MAST2: variants seen among roughly 807,000 people sequenced by gnomAD.
MAST2 encodes microtubule associated serine/threonine kinase 2.
In MAST2, 70 loss-of-function variants were observed where a neutral mutation model predicts 147.4. The observed-to-expected ratio is 0.47, with a 90% CI of 0.39 to 0.58. MAST2 has a LOEUF of 0.58. Ranked by LOEUF, MAST2 falls within the 20% of genes least tolerant of loss-of-function variation. MAST2 has a pLI of 0.00. For missense variants in MAST2, 2,080 were observed against 2,302.3 expected (o/e 0.90, Z 1.98); for synonymous variants, 869 against 896.8 (o/e 0.97, Z 0.55).
intron 4 of MAST2, among the ~76,000 whole-genome samples, chr1:45,952,350 C>T (rs1443710340): frequency 6.6e-6 from 1 of 152,018 alleles, no homozygotes; most frequent in Non-Finnish European, 1.5e-5. Context: ...TCCATAGAGA[C>T]AGTACGTTGG....
chr1:46,029,140 C>T lies in MAST2; in HGVS notation c.2218+207C>T, dbSNP rs114208503. On this transcript the variant is annotated intron_variant, in intron 18 of 28. Transcript: ENST00000361297. ...GTCCCTTGGGGCTTCACATGTCTCT[C>T]ATAGACACCTGGTCTCTCATATACA... 2.3e-3 allele frequency: 1,375 copies of T among 585,588 alleles called. 18 individuals are homozygous for T. In the African/African-American group the frequency reaches 0.024, roughly 10 times the overall value. 36.3% of individuals were successfully genotyped at this position (585,588 alleles called of 1,614,324 possible). A position where few individuals can be genotyped will look rare whatever the true frequency, so the allele number is the denominator to read the frequency against.
chr1:45,888,389 G>T (rs1360892621), intron 4 of MAST2, among the ~76,000 whole-genome samples: 1 of 151,930 alleles, frequency 6.6e-6, no homozygotes, highest in Admixed American at 6.6e-5. Context: ...TTGAGACTGA[G>T]TCTCGCTCTG....
chr1:45,987,640 T>C lies in MAST2; in HGVS notation c.593-10084T>C, dbSNP rs76189933. On this transcript the variant is annotated intron_variant, in intron 5 of 28. Transcript: ENST00000361297. ...TGTATGGTTTTATACATTTTCTCTCTTGTTTTCCAGTGGTTTTTTTATTAA... is the reference window on the plus strand; with the variant it reads ...TGTATGGTTTTATACATTTTCTCTCCTGTTTTCCAGTGGTTTTTTTATTAA... Among the ~76,000 whole-genome samples, 1,009 of 152,196 alleles carry C rather than the reference T, an allele frequency of 6.6e-3. 12 individuals carry two copies. Among genetic ancestry groups the C allele is most frequent in the African/African-American group, 0.023 (973 of 41,538 alleles).
At chr1:45,947,176 G>A (rs756284545) in intron 4 of MAST2, among the ~76,000 whole-genome samples, 1 of 152,046 alleles carries the variant, frequency 6.6e-6, no homozygotes, top group Non-Finnish European at 1.5e-5. Flanking sequence ...CATAGGGTGT[G>A]AGATACTACA....
At chr1:45,852,301 C>A (rs931883979) in intron 3 of MAST2, among the ~76,000 whole-genome samples, 9 of 152,192 alleles carry the variant, frequency 5.9e-5, no homozygotes, top group African/African-American at 1.7e-4. Flanking sequence ...TATTTGCACT[C>A]CCACCCCGTC....
chr1:45,956,180 T>G (rs980497745), intron 4 of MAST2, among the ~76,000 whole-genome samples: 4 of 152,222 alleles, frequency 2.6e-5, no homozygotes, highest in African/African-American at 9.6e-5. Context: ...ATTCAAATTT[T>G]ATTTTTTTAG....
intron 5 of MAST2, among the ~76,000 whole-genome samples, chr1:45,978,196 A>G (rs1216387431): frequency 6.6e-6 from 1 of 152,202 alleles, no homozygotes; most frequent in Non-Finnish European, 1.5e-5. Flanking sequence ...TGAAAAGATA[A>G]TTTACTCTCA....
chr1:46,029,217 G>A (rs764772324), intron 18 of MAST2: 4 of 548,108 alleles, frequency 7.3e-6, no homozygotes, highest in Non-Finnish European at 6.5e-6. Flanking sequence ...TGAGGGGTAC[G>A]TCTGTGTATG....
intron 24 of MAST2, 44 bp from the exon 25 acceptor site, chr1:46,032,134 C>A (rs1197962404): frequency 6.7e-7 from 1 of 1,492,528 alleles, no homozygotes; most frequent in Non-Finnish European, 9.3e-7. Flanking sequence ...AGGGGCCAGG[C>A]CAAAGCCCTC....
chr1:45,969,985 G>T (rs949525725), intron 5 of MAST2, among the ~76,000 whole-genome samples: 2 of 152,166 alleles, frequency 1.3e-5, no homozygotes, highest in Admixed American at 1.3e-4. Context: ...CACCATAGCT[G>T]GGACAGGATG....
At chr1:45,808,428 C>T (rs1172418419) in intron 1 of MAST2, among the ~76,000 whole-genome samples, 2 of 152,090 alleles carry the variant, frequency 1.3e-5, no homozygotes, top group Non-Finnish European at 2.9e-5. Context: ...AGGCTGGTCT[C>T]GAACTCCTGA....
intron 4 of MAST2, among the ~76,000 whole-genome samples, chr1:45,921,849 CTGTT>C (rs1653553990): frequency 6.6e-6 from 1 of 152,194 alleles, no homozygotes; most frequent in South Asian, 2.1e-4. Flanking sequence ...TGTTTCAGCT[CTGTT>C]TGTATTACAG....
intron 5 of MAST2, among the ~76,000 whole-genome samples, chr1:45,990,217 C>T (rs866717218): frequency 8.5e-5 from 13 of 152,284 alleles, no homozygotes; most frequent in African/African-American, 1.2e-4. Flanking sequence ...CCTGTTGTTC[C>T]CCATCCTTTT....
intron 5 of MAST2, among the ~76,000 whole-genome samples, chr1:45,994,780 A>G (rs1390041819): frequency 6.6e-6 from 1 of 152,098 alleles, no homozygotes; most frequent in Non-Finnish European, 1.5e-5. Context: ...CAAATTCTTT[A>G]CTACACAACA....
intron 5 of MAST2, 103 bp from the exon 6 acceptor site, chr1:45,997,621 C>A: frequency 1.2e-6 from 1 of 808,202 alleles, no homozygotes; most frequent in Admixed American, 1.9e-5. Flanking sequence ...GAGAAAATAA[C>A]CATATAATTG....
intron 5 of MAST2, among the ~76,000 whole-genome samples, chr1:45,987,288 A>G (rs1289144742): frequency 6.6e-6 from 1 of 151,568 alleles, no homozygotes; most frequent in Non-Finnish European, 1.5e-5. Flanking sequence ...AATTTTATTG[A>G]TCTCAAAAAC....
chr1:45,866,189 T>C (rs1177633744), intron 3 of MAST2, among the ~76,000 whole-genome samples: 2 of 152,238 alleles, frequency 1.3e-5, no homozygotes, highest in Non-Finnish European at 2.9e-5. Flanking sequence ...TTGATGGTGC[T>C]GTAAACATTC....
intron 4 of MAST2, among the ~76,000 whole-genome samples, chr1:45,886,340 ACACACAC>A (rs988869937): frequency 2.7e-5 from 4 of 149,788 alleles, no homozygotes; most frequent in Non-Finnish European, 5.9e-5. Context: ...ACACACACAC[ACACACAC>A]ATTTATAGTG....
intron 4 of MAST2, chr1:45,917,438 T>C: frequency 7.3e-7 from 1 of 1,366,598 alleles, no homozygotes; most frequent in Non-Finnish European, 9.8e-7. Flanking sequence ...TTAGTGCTGA[T>C]TGTGCTTTGG....
Sources: gnomAD v4.1 joint callset for allele counts (sites outside exome capture counted in the v4.1 genomes callset) on GRCh38, gnomAD v4.1.1 for gene constraint, MANE v1.5 for transcripts, NCBI Gene and HGNC (gene_info 2026-07-23, HGNC 2026-07-21) for gene names.